The following CNTN1 variants were observed in gnomAD, a reference collection of about 807,000 sequenced individuals.
CNTN1 encodes contactin-1.
Under a neutral mutation model 126.4 loss-of-function variants are expected in CNTN1, and 38 were observed. The observed-to-expected ratio is 0.30, with a 90% confidence interval of 0.23 to 0.39. The LOEUF (loss-of-function observed/expected upper bound fraction) is 0.39, where lower values mean the gene tolerates loss of function less well. Among genes scored for constraint, CNTN1 ranks in the 10% least tolerant of loss-of-function variants. CNTN1 has a pLI of 1.00. For missense variants in CNTN1, 1,009 were observed against 1,248.4 expected, an observed-to-expected ratio of 0.81 and a Z score of 2.89; for synonymous variants, 413 against 422.6, an observed-to-expected ratio of 0.98 and a Z score of 0.28.
At chr12:40,894,778 T>G (rs576410592) in intron 1 of CNTN1, among the ~76,000 whole-genome samples, 1 of 152,304 alleles carries the variant, frequency 6.6e-6, no homozygotes, top group East Asian at 1.9e-4. Context: ...AAGAAATCAA[T>G]TCTATGAAAT....
At chr12:40,752,421 C>T (rs1448103055) in intron 1 of CNTN1, among the ~76,000 whole-genome samples, 2 of 151,858 alleles carry the variant, frequency 1.3e-5, no homozygotes, top group Non-Finnish European at 2.9e-5. Context: ...TAATGAATGT[C>T]GATTATGTAA....
chr12:41,046,627 G>T (rs931740541), intron 23 of CNTN1, among the ~76,000 whole-genome samples: 1 of 151,968 alleles, frequency 6.6e-6, no homozygotes, highest in African/African-American at 2.4e-5. Context: ...GAAATCCACA[G>T]ACCACTAAAC....
At chr12:40,932,445 A>G (rs1307199924) in intron 7 of CNTN1, among the ~76,000 whole-genome samples, 1 of 151,994 alleles carries the variant, frequency 6.6e-6, no homozygotes, top group African/African-American at 2.4e-5. Context: ...TCTTTCCTTT[A>G]TAAATTACCT....
At chr12:40,961,812 A>T (rs1566044824) in intron 15 of CNTN1, among the ~76,000 whole-genome samples, 1 of 152,138 alleles carries the variant, frequency 6.6e-6, no homozygotes, top group Non-Finnish European at 1.5e-5. Flanking sequence ...AGTTAAATCT[A>T]ATAGCACATT....
intron 20 of CNTN1, among the ~76,000 whole-genome samples, chr12:41,021,351 C>T (rs573017022): frequency 2.0e-5 from 3 of 151,688 alleles, no homozygotes; most frequent in African/African-American, 7.3e-5. Flanking sequence ...ACCCACCCCA[C>T]TCCCCCAGCC....
intron 15 of CNTN1, among the ~76,000 whole-genome samples, chr12:40,959,725 A>G (rs117957189): frequency 6.6e-5 from 10 of 152,174 alleles, no homozygotes; most frequent in Non-Finnish European, 1.3e-4. Flanking sequence ...GTTCTTATGA[A>G]TAATATAATT....
At chr12:40,846,786 G>T (rs1169801725) in intron 1 of CNTN1, among the ~76,000 whole-genome samples, 1 of 152,100 alleles carries the variant, frequency 6.6e-6, no homozygotes. Context: ...CCATCTCCTG[G>T]GTTCAACTGA....
At chr12:40,901,163 C>A (rs1319016183) in intron 1 of CNTN1, among the ~76,000 whole-genome samples, 1 of 151,210 alleles carries the variant, frequency 6.6e-6, no homozygotes. Context: ...GTAGATTGCC[C>A]AAAAATGCAT....
chr12:40,919,696 C>T (rs1945368684), intron 4 of CNTN1, among the ~76,000 whole-genome samples: 1 of 152,072 alleles, frequency 6.6e-6, no homozygotes, highest in South Asian at 2.1e-4. Context: ...TCAGTTTTTT[C>T]CTGCCTTTGG....
intron 23 of CNTN1, among the ~76,000 whole-genome samples, chr12:41,056,824 T>C (rs1400635049): frequency 6.7e-6 from 1 of 149,564 alleles, no homozygotes. Flanking sequence ...CCAATTAAAG[T>C]ATTATCTAAA....
intron 11 of CNTN1, among the ~76,000 whole-genome samples, chr12:40,939,046 T>A (rs1339818582): frequency 2.0e-5 from 3 of 152,286 alleles, no homozygotes; most frequent in Non-Finnish European, 4.4e-5. Context: ...ACTGCTGGGA[T>A]TATAGGTGTG....
At chr12:40,800,486 AT>A (rs1227598853) in intron 1 of CNTN1, among the ~76,000 whole-genome samples, 7 of 152,026 alleles carry the variant, frequency 4.6e-5, no homozygotes, top group African/African-American at 1.7e-4. Flanking sequence ...AATTATCCTT[AT>A]TAAAAAATAA....
At position 40,981,812 on chromosome 12, in the gene CNTN1, C is replaced by T. The variant is rs146787075; in HGVS notation, c.1963+745C>T. ...TGTAACTTTTGACAATATTTTTAAA[C>T]AAACTTGTCATTGCCAGAATTCTTT... On this transcript the variant is annotated intron_variant, in intron 16 of 23. Coordinates refer to ENST00000551295, the MANE Select transcript of CNTN1 (RefSeq NM_001843.4). Among the ~76,000 whole-genome samples the T allele has an allele frequency of 4.4e-3, 661 of 151,840 alleles. 5 individuals are homozygous for T. The highest frequency in any genetic ancestry group is 4.0e-3 in the Non-Finnish European group (269 of 67,896).
intron 7 of CNTN1, among the ~76,000 whole-genome samples, chr12:40,931,562 C>G (rs1945885333): frequency 1.3e-5 from 2 of 151,926 alleles, no homozygotes; most frequent in South Asian, 4.1e-4. Flanking sequence ...ATGTTAAGCT[C>G]AAAGTGTCAC....
rs78725601 is a variant in CNTN1 at position 40,884,872 on chromosome 12, T to C, written c.-76-23485T>C. 2.0e-4 allele frequency among the ~76,000 whole-genome samples: 30 copies of C among 151,922 alleles called. 2 individuals are homozygous for C. The East Asian group carries it at 5.8e-3, about 29-fold the overall frequency. The stretch of plus-strand genomic sequence containing the variant: ...AAAATTCATTCATAACTTTTATATA[T>C]ACAACTTAAATTTTTTCCTTTGTAT... On this transcript the variant is annotated intron_variant, in intron 1 of 23. Transcript: ENST00000551295.
chr12:40,850,775 G>A (rs1450201767), intron 1 of CNTN1, among the ~76,000 whole-genome samples: 1 of 152,140 alleles, frequency 6.6e-6, no homozygotes, highest in Non-Finnish European at 1.5e-5. Context: ...TTAATTGTTA[G>A]TGGGAGTTGT....
At chr12:40,977,766 G>A (rs1947715376) in intron 15 of CNTN1, among the ~76,000 whole-genome samples, 1 of 1,798 alleles carries the variant, frequency 5.6e-4, no homozygotes, top group African/African-American at 8.3e-4. Flanking sequence ...ACAATCATCT[G>A]TTTTGTTTTG....
At chr12:41,068,179 T>G (rs73126962) in intron 23 of CNTN1, among the ~76,000 whole-genome samples, 3,385 of 152,274 alleles carry the variant, frequency 0.022, 125 homozygotes, top group African/African-American at 0.077. Context: ...CTCTAGTGAC[T>G]ATTGGACTTG....
chr12:41,051,935 CACACAAAG>C (rs1177684245), intron 23 of CNTN1, among the ~76,000 whole-genome samples: 2 of 128,108 alleles, frequency 1.6e-5, no homozygotes, highest in African/African-American at 5.9e-5. Flanking sequence ...CACACACACA[CACACAAAG>C]AAACCTACAG....
Sources: allele counts gnomAD v4.1 joint callset (sites outside exome capture counted in the v4.1 genomes callset), GRCh38; gene constraint gnomAD v4.1.1; transcripts MANE v1.5; gene names NCBI Gene and HGNC (gene_info 2026-07-23, HGNC 2026-07-21).